Variants in PIKFYVE observed in about 807,000 individuals in gnomAD.
PIKFYVE encodes the protein phosphoinositide kinase, FYVE-type zinc finger containing, also known as 1-phosphatidylinositol 3-phosphate 5-kinase.
PIKFYVE carries 122 observed loss-of-function variants against 257.9 expected under a neutral mutation model. The observed-to-expected ratio is 0.47, with a 90% confidence interval of 0.41 to 0.55. The LOEUF (loss-of-function observed/expected upper bound fraction) is 0.55, where lower values mean the gene tolerates loss of function less well. PIKFYVE is among the 20% of genes least tolerant of loss of function. The pLI, the probability that PIKFYVE is intolerant of heterozygous loss-of-function variation, is 0.00. For missense variants in PIKFYVE, 2,160 were observed against 2,536.6 expected, an observed-to-expected ratio of 0.85 and a Z score of 3.19; for synonymous variants, 892 against 868.9, an observed-to-expected ratio of 1.03 and a Z score of -0.47.
intron 37 of PIKFYVE, 69 bp downstream of exon 37, chr2:208,351,016 G>A: frequency 2.5e-6 from 4 of 1,577,062 alleles, no homozygotes; most frequent in Non-Finnish European, 3.5e-6. Flanking sequence ...AAATGCAGCA[G>A]GAAGGATATT....
chr2:208,321,764 G>C (rs1205783851), intron 17 of PIKFYVE, among the ~76,000 whole-genome samples: 1 of 151,926 alleles, frequency 6.6e-6, no homozygotes, highest in East Asian at 1.9e-4. Flanking sequence ...TTTTTTAGTA[G>C]AGACGGGGTT....
At chr2:208,345,610 G>C (rs1282443891) in intron 33 of PIKFYVE, among the ~76,000 whole-genome samples, 1 of 152,046 alleles carries the variant, frequency 6.6e-6, no homozygotes, top group African/African-American at 2.4e-5. Context: ...GGCAAGTTCA[G>C]TATTTTAGAC....
At position 208,287,296 on chromosome 2, in the gene PIKFYVE, T is replaced by C. The variant is rs1574460042; in HGVS notation, c.821+1363T>C. On this transcript the variant is annotated intron_variant, in intron 6 of 41. Coordinates refer to ENST00000264380, the MANE Select transcript of PIKFYVE (RefSeq NM_015040.4). ...TTTTTTTTTTTTTTTTGAGACAGAG[T>C]TTTTTTTGCTCTTGTTGCCCAGGTT... 2.7e-5 allele frequency among the ~76,000 whole-genome samples: 4 copies of C among 149,406 alleles called. No homozygotes were observed. The Middle Eastern group carries it at 0.01, about 392-fold the overall frequency.
Position 208,285,938 on chromosome 2 carries a change from T to C in PIKFYVE, c.821+5T>C, listed in dbSNP as rs780227816. Reference sequence around the variant, plus strand: ...GGATGATTTGGCCTGGCAAAGGTATTGTCCCTTAAATATAATTTTATTTAG... The same window carrying C: ...GGATGATTTGGCCTGGCAAAGGTATCGTCCCTTAAATATAATTTTATTTAG... On this transcript the variant is annotated splice_donor_5th_base_variant and intron_variant, in intron 6 of 41. Transcript: ENST00000264380. The C allele has an allele frequency of 2.9e-5, 47 of 1,612,114 alleles. 1 individual carries two copies. The South Asian group carries it at 5.1e-4, about 17-fold the overall frequency.
intron 6 of PIKFYVE, among the ~76,000 whole-genome samples, chr2:208,287,847 G>A (rs1295755466): frequency 5.9e-5 from 9 of 152,100 alleles, no homozygotes; most frequent in Admixed American, 4.6e-4. Flanking sequence ...TGATTTGCCC[G>A]CCTCCCAAAG....
intron 8 of PIKFYVE, among the ~76,000 whole-genome samples, chr2:208,300,414 G>C (rs1334127843): frequency 6.6e-6 from 1 of 152,196 alleles, no homozygotes; most frequent in Admixed American, 6.5e-5. Flanking sequence ...AGTTATTTGG[G>C]ACTACCTGGT....
intron 17 of PIKFYVE, among the ~76,000 whole-genome samples, chr2:208,321,482 A>G (rs567926866): frequency 2.0e-5 from 3 of 152,272 alleles, no homozygotes; most frequent in South Asian, 2.1e-4. Flanking sequence ...CAGCTGTGCT[A>G]TCAGTAAAAA....
chr2:208,331,528 C>T (rs1697542361), intron 23 of PIKFYVE, among the ~76,000 whole-genome samples: 1 of 152,132 alleles, frequency 6.6e-6, no homozygotes, highest in African/African-American at 2.4e-5. Context: ...AGGCATGCGC[C>T]ACTATGCCCA....
intron 7 of PIKFYVE, among the ~76,000 whole-genome samples, chr2:208,290,666 A>G (rs544756079): frequency 9.9e-5 from 15 of 152,274 alleles, no homozygotes; most frequent in African/African-American, 2.4e-4. Context: ...TGGTAAGATT[A>G]TGTTTAATTT....
Position 208,271,511 on chromosome 2 carries a change from A to T in PIKFYVE, c.-9A>T. 1 of 1,613,980 alleles carries T rather than the reference A, an allele frequency of 6.2e-7. No individual in the cohort carries two copies. The highest frequency in any genetic ancestry group is 1.1e-5 in the South Asian group (1 of 91,082). The stretch of plus-strand genomic sequence containing the variant: ...TTTGCTTGTTTCTTTTGTTTTTCAG[A>T]CTCATGAAATGGCCACAGATGATAA... On this transcript the variant is annotated splice_region_variant and 5_prime_UTR_variant, in exon 2 of 42. Transcript: ENST00000264380.
In PIKFYVE at chr2:208,326,176, C is replaced by T. The variant is rs1425766277; in HGVS notation, c.3365C>T (p.Ala1122Val). The T allele has an allele frequency of 6.2e-7, 1 of 1,612,552 alleles. No homozygotes were observed. The highest frequency in any genetic ancestry group is 8.5e-7 in the Non-Finnish European group (1 of 1,179,416). The change falls in exon 20 of 42, where the codon GCC becomes GTC. Residue 1122 changes from alanine (A) to valine (V), a missense_variant. Ala to Val is a moderately conservative substitution (Grantham distance 64, BLOSUM62 0). Around this residue, in one of 12 missense-constraint regions of PIKFYVE, gnomAD observed 522 missense variants for 514.6 expected, o/e 1.01. Transcript: ENST00000264380. ...GLQGMNGSIQAKSIQVLPSHE... is the reference protein window; with the variant it reads ...GLQGMNGSIQVKSIQVLPSHE... Reference sequence around the variant, plus strand: ...CAGGGCATGAATGGAAGTATTCAGGCCAAGTCTATTCAAGTCTTACCCTCA... The same window carrying T: ...CAGGGCATGAATGGAAGTATTCAGGTCAAGTCTATTCAAGTCTTACCCTCA...
Position 208,327,471 on chromosome 2 carries a change from C to G in PIKFYVE, c.3619-709C>G, listed in dbSNP as rs537854055. On this transcript the variant is annotated intron_variant, in intron 20 of 41. Coordinates refer to ENST00000264380, the MANE Select transcript of PIKFYVE (RefSeq NM_015040.4). ...AGCAGGATCTCAAGTCATTTAATGA[C>G]TTGGATAAAGCCCATGATATATTTG... Among the ~76,000 whole-genome samples the G allele has an allele frequency of 3.9e-5, 6 of 152,228 alleles. No homozygotes were observed. In the East Asian group the frequency reaches 1.2e-3, roughly 29 times the overall value.
intron 1 of PIKFYVE, among the ~76,000 whole-genome samples, chr2:208,267,301 CT>C: frequency 6.6e-6 from 1 of 152,030 alleles, no homozygotes; most frequent in East Asian, 1.9e-4. Context: ...AATGTTCTTT[CT>C]TTTGTGTTTG....
chr2:208,322,782 C>T (rs968742309), intron 17 of PIKFYVE, among the ~76,000 whole-genome samples: 5 of 149,382 alleles, frequency 3.3e-5, no homozygotes, highest in African/African-American at 7.4e-5. Context: ...ATGCCATGTT[C>T]ATGTGTTGCA....
At chr2:208,319,978 C>T (rs944466872) in intron 16 of PIKFYVE, among the ~76,000 whole-genome samples, 1 of 149,722 alleles carries the variant, frequency 6.7e-6, no homozygotes, top group Non-Finnish European at 1.5e-5. Context: ...CTTACAACAT[C>T]AGAAATAAAA....
At chr2:208,268,135 G>T (rs1261695217) in intron 1 of PIKFYVE, among the ~76,000 whole-genome samples, 2 of 152,142 alleles carry the variant, frequency 1.3e-5, no homozygotes, top group African/African-American at 4.8e-5. Context: ...AGAGTTATAA[G>T]ATAATTTTTT....
At position 208,324,957 on chromosome 2, in the gene PIKFYVE, T is replaced by C. The variant is rs1331053439; in HGVS notation, c.2378T>C (p.Met793Thr). The C allele has an allele frequency of 6.2e-7, 1 of 1,614,118 alleles. No individual in the cohort carries two copies. Among genetic ancestry groups the C allele is most frequent in the Admixed American group, 1.7e-5 (1 of 60,022 alleles). ...CGAATGACCCAAGGTGATTTAGTGA[T>C]GTCAATGGACCAGCTGCTTACGAAA... is the stretch of plus-strand genomic sequence containing the variant. ...ISRMTQGDLV[M>T]SMDQLLTKPH... Residue 793 changes from methionine to threonine, a missense_variant, in exon 19 of 42, where the codon ATG becomes ACG. Physicochemically the swap from Met to Thr is moderately conservative, Grantham distance 81. Transcript: ENST00000264380.
At chr2:208,352,333 G>C (rs79320663) in intron 38 of PIKFYVE, among the ~76,000 whole-genome samples, 156 of 152,116 alleles carry the variant, frequency 1.0e-3, no homozygotes, top group African/African-American at 3.6e-3. Context: ...AATCATGAAA[G>C]AGTTACATAG....
chr2:208,272,159 C>A (rs1689507781), intron 2 of PIKFYVE, among the ~76,000 whole-genome samples: 1 of 151,700 alleles, frequency 6.6e-6, no homozygotes, highest in Non-Finnish European at 1.5e-5. Flanking sequence ...GGCGTGAACC[C>A]AGGAGGCGGG....
Sources: allele counts gnomAD v4.1 joint callset (sites outside exome capture counted in the v4.1 genomes callset), GRCh38; gene constraint gnomAD v4.1.1; regional missense constraint gnomAD v4.1.1; transcripts MANE v1.5; gene names NCBI Gene and HGNC (gene_info 2026-07-23, HGNC 2026-07-21).